Variants in PPP4R2 observed in about 807,000 individuals in gnomAD.
PPP4R2 encodes serine/threonine-protein phosphatase 4 regulatory subunit 2.
Under a neutral mutation model 47.2 loss-of-function variants are expected in PPP4R2, and 13 were observed. The ratio of observed to expected loss-of-function variants is 0.28; its 90% CI spans 0.18 to 0.44. The LOEUF (loss-of-function observed/expected upper bound fraction) is 0.44, where lower values mean the gene tolerates loss of function less well. Among genes scored for constraint, PPP4R2 ranks in the 20% least tolerant of loss-of-function variants. The pLI is 1.00. For missense variants in PPP4R2, 421 were observed against 491.2 expected (o/e 0.86, Z 1.35); for synonymous variants, 151 against 163.3 (o/e 0.92, Z 0.57).
intron 5 of PPP4R2, chr3:73,063,122 TAGCAAC>T: frequency 1.9e-6 from 1 of 531,400 alleles, no homozygotes; most frequent in Non-Finnish European, 3.4e-6. Context: ...TTCCCAAACT[TAGCAAC>T]AGCGGCAAAC....
chr3:73,001,850 A>G (rs1266244191), intron 2 of PPP4R2, among the ~76,000 whole-genome samples: 2 of 152,064 alleles, frequency 1.3e-5, no homozygotes, highest in Admixed American at 6.5e-5. Context: ...GATGATCTCT[A>G]TCTCTTGACC....
intron 3 of PPP4R2, among the ~76,000 whole-genome samples, chr3:73,053,115 G>C (rs1702654152): frequency 6.6e-6 from 1 of 152,080 alleles, no homozygotes; most frequent in African/African-American, 2.4e-5. Context: ...CCTGATTTTT[G>C]TGCTCCCCAG....
rs1173734970 is a variant in PPP4R2 at position 73,002,634 on chromosome 3, CTTTTTTTTTTTTTT to C, written c.116+4488_116+4501del. Among the ~76,000 whole-genome samples, 53 of 41,162 alleles carry C rather than the reference CTTTTTTTTTTTTTT, an allele frequency of 1.3e-3. 2 individuals carry two copies. In the East Asian group the frequency reaches 0.015, roughly 11 times the overall value. 27.0% of individuals were successfully genotyped at this position (41,162 alleles called of 152,430 possible). On this transcript the variant is annotated intron_variant, in intron 2 of 8. Coordinates refer to ENST00000356692, the MANE Select transcript of PPP4R2 (RefSeq NM_174907.4). Reference sequence around the variant, plus strand: ...CTTTTCTTTTCTTTTCTTTTCTTTTCTTTTTTTTTTTTTTTTTTTTTTTTTGAGACGGAGTCTCG... The same window carrying C: ...CTTTTCTTTTCTTTTCTTTTCTTTTCTTTTTTTTTTTGAGACGGAGTCTCG...
chr3:73,038,829 C>G (rs1044255351), intron 2 of PPP4R2, among the ~76,000 whole-genome samples: 2 of 152,040 alleles, frequency 1.3e-5, no homozygotes, highest in Non-Finnish European at 2.9e-5. Context: ...AGAAAGAAAC[C>G]CAGGTTTACA....
chr3:73,058,420 A>G (rs995247009), intron 3 of PPP4R2, among the ~76,000 whole-genome samples: 4 of 152,168 alleles, frequency 2.6e-5, no homozygotes, highest in East Asian at 1.9e-4. Flanking sequence ...TTAAAAATCA[A>G]ATTATCAGGA....
At chr3:73,018,265 C>T (rs1701881495) in intron 2 of PPP4R2, among the ~76,000 whole-genome samples, 1 of 152,038 alleles carries the variant, frequency 6.6e-6, no homozygotes, top group South Asian at 2.1e-4. Context: ...GTGAAACCTG[C>T]CTACACAATG....
chr3:73,028,823 A>T (rs1388703381), intron 2 of PPP4R2, among the ~76,000 whole-genome samples: 1 of 152,194 alleles, frequency 6.6e-6, no homozygotes, highest in Non-Finnish European at 1.5e-5. Flanking sequence ...CAAGGAGGCC[A>T]CTGTGGCTGA....
At chr3:72,998,691 TAGCTGACTTGTTACATATGCTC>T (rs1701402030) in intron 2 of PPP4R2, among the ~76,000 whole-genome samples, 1 of 152,248 alleles carries the variant, frequency 6.6e-6, no homozygotes, top group Admixed American at 6.5e-5. Flanking sequence ...CTTTCTAAGA[TAGCTGACTTGTTACATATGCTC>T]AGCATTTTAT....
At chr3:73,014,939 A>G (rs1014833356) in intron 2 of PPP4R2, 4 of 693,582 alleles carry the variant, frequency 5.8e-6, no homozygotes, top group Non-Finnish European at 7.9e-6. Context: ...CCTGGCCTCA[A>G]GTGATCCACC....
At chr3:73,020,524 G>A (rs964629901) in intron 2 of PPP4R2, among the ~76,000 whole-genome samples, 2 of 151,788 alleles carry the variant, frequency 1.3e-5, no homozygotes, top group Non-Finnish European at 2.9e-5. Flanking sequence ...CAAAAATATA[G>A]CTGGGTGTGG....
intron 3 of PPP4R2, among the ~76,000 whole-genome samples, chr3:73,048,724 G>A (rs1345041300): frequency 6.6e-6 from 1 of 152,192 alleles, no homozygotes; most frequent in Non-Finnish European, 1.5e-5. Context: ...GATAGTATTT[G>A]AAGGGTTTCA....
intron 2 of PPP4R2, among the ~76,000 whole-genome samples, chr3:73,006,935 A>G (rs1357307316): frequency 1.9e-5 from 2 of 107,980 alleles, no homozygotes; most frequent in East Asian, 2.4e-4. Context: ...GTTTTTCCTC[A>G]TCCACTTTTT....
rs1703030246 is a variant in PPP4R2 at position 73,067,738 on chromosome 3, G to A, written c.*2016G>A. ...GTAAACAAATTGATTTACTTTTGTT[G>A]GTTGTAAGTTGAAGATTTAGCATTA... is the stretch of plus-strand genomic sequence containing the variant. On this transcript the variant is annotated 3_prime_UTR_variant, in exon 9 of 9. Transcript: ENST00000356692. 2 of 152,072 alleles carry A rather than the reference G, an allele frequency of 1.3e-5. No homozygotes were observed. 9.4% of individuals were successfully genotyped at this position (152,072 alleles called of 1,614,324 possible). A position where few individuals can be genotyped will look rare whatever the true frequency, so the allele number is the denominator to read the frequency against.
intron 2 of PPP4R2, among the ~76,000 whole-genome samples, chr3:73,045,032 CGCTCAGGCTGGA>C (rs1702454406): frequency 6.6e-6 from 1 of 152,150 alleles, no homozygotes; most frequent in Non-Finnish European, 1.5e-5. Context: ...CTTGCTCTGT[CGCTCAGGCTGGA>C]TTCCAGTGGT....
chr3:73,065,679 A>C lies in PPP4R2; in HGVS notation c.1211A>C (p.Asp404Ala). 1 of 1,610,060 alleles carries C rather than the reference A, an allele frequency of 6.2e-7. No homozygotes were observed. The highest frequency in any genetic ancestry group is 1.7e-5 in the Admixed American group (1 of 59,886). ...ILSESSMEND[D>A]EATEVTDEPM... ...TCAGAATCATCCATGGAAAATGATG[A>C]CGAAGCCACAGAAGTCACCGATGAA... The change falls in exon 9 of 9, where the codon GAC becomes GCC. Residue 404 changes from aspartate (D) to alanine (A), a missense_variant. Physicochemically the swap from Asp to Ala is moderately radical, Grantham distance 126 (BLOSUM62 -2). Around this residue, in one of 2 missense-constraint regions of PPP4R2, gnomAD observed 317 missense variants for 287.5 expected, o/e 1.10. Transcript: ENST00000356692.
At chr3:73,052,791 A>G (rs1702646414) in intron 3 of PPP4R2, among the ~76,000 whole-genome samples, 1 of 152,258 alleles carries the variant, frequency 6.6e-6, no homozygotes, top group Non-Finnish European at 1.5e-5. Flanking sequence ...ATAGTAAACT[A>G]AAATAGTGTT....
intron 3 of PPP4R2, among the ~76,000 whole-genome samples, chr3:73,049,498 CAAAAA>C (rs1055156906): frequency 1.4e-5 from 2 of 147,682 alleles, no homozygotes; most frequent in Non-Finnish European, 3.0e-5. Flanking sequence ...GACTCCATCT[CAAAAA>C]AAAAGAGAAT....
At chr3:73,010,322 A>C (rs754339525) in intron 2 of PPP4R2, among the ~76,000 whole-genome samples, 1 of 151,514 alleles carries the variant, frequency 6.6e-6, no homozygotes, top group Non-Finnish European at 1.5e-5. Flanking sequence ...TCCCGGGCTT[A>C]AATGATCCTC....
chr3:73,030,388 G>A (rs1009439666), intron 2 of PPP4R2, among the ~76,000 whole-genome samples: 3 of 152,138 alleles, frequency 2.0e-5, no homozygotes, highest in Admixed American at 1.3e-4. Flanking sequence ...TTTTATAAGT[G>A]CAACAAGAAG....
Sources: allele counts gnomAD v4.1 joint callset (sites outside exome capture counted in the v4.1 genomes callset), GRCh38; gene constraint gnomAD v4.1.1; regional missense constraint gnomAD v4.1.1; transcripts MANE v1.5; gene names NCBI Gene and HGNC (gene_info 2026-07-23, HGNC 2026-07-21).